The following PDE4D variants were observed in gnomAD, a reference collection of about 807,000 sequenced individuals.
PDE4D encodes the protein phosphodiesterase 4D, also known as 3',5'-cyclic-AMP phosphodiesterase 4D.
In PDE4D, 24 loss-of-function variants were observed where a neutral mutation model predicts 87.4. The ratio of observed to expected loss-of-function variants is 0.27; its 90% CI spans 0.20 to 0.39. The LOEUF (loss-of-function observed/expected upper bound fraction) is 0.39. PDE4D is among the 10% of genes least tolerant of loss of function. PDE4D has a pLI of 1.00. For synonymous variants in PDE4D, 384 were observed against 383.2 expected (o/e 1.00, Z -0.02); for missense variants, 714 against 1,041.0 (o/e 0.69, Z 4.32).
intron 3 of PDE4D, among the ~76,000 whole-genome samples, chr5:59,964,251 A>G (rs542164490): frequency 6.6e-6 from 1 of 152,320 alleles, no homozygotes; most frequent in Non-Finnish European, 1.5e-5. Context: ...CTTTGGTCTC[A>G]TTATGAGAAT....
chr5:59,477,428 G>A (rs1803488299), intron 1 of PDE4D, among the ~76,000 whole-genome samples: 1 of 150,852 alleles, frequency 6.6e-6, no homozygotes, highest in South Asian at 2.1e-4. Context: ...ATCAATGAGG[G>A]CTAAAATAAA....
In PDE4D at chr5:59,046,420, ATG is replaced by A. The variant is rs34085161; in HGVS notation, c.809-7451_809-7450del. Among the ~76,000 whole-genome samples, 1,001 of 142,986 alleles carry A rather than the reference ATG, an allele frequency of 7.0e-3. 4 individuals are homozygous for A. Among genetic ancestry groups the A allele is most frequent in the African/African-American group, 0.021 (821 of 38,316 alleles). The allele number at this position is 142,986 out of a possible 152,430, so 93.8% of individuals were successfully genotyped here. A position where few individuals can be genotyped will look rare whatever the true frequency, so the allele number is the denominator to read the frequency against. On this transcript the variant is annotated intron_variant, in intron 5 of 14. Transcript: ENST00000340635. ...TGAAAGAGTGAGAGAGAGAGAGAGA[ATG>A]TGTGTGTGTGTGTGTGTGTGTATGT...
At chr5:58,986,625 C>T (rs934677095) in intron 11 of PDE4D, among the ~76,000 whole-genome samples, 2 of 152,184 alleles carry the variant, frequency 1.3e-5, no homozygotes, top group Non-Finnish European at 2.9e-5. Context: ...TTATGAGAAT[C>T]TAACTAATGC....
At chr5:59,327,234 G>A (rs1294844879) in intron 1 of PDE4D, among the ~76,000 whole-genome samples, 1 of 150,746 alleles carries the variant, frequency 6.6e-6, no homozygotes, top group Non-Finnish European at 1.5e-5. Flanking sequence ...TGATTCTTTA[G>A]CAGAAACTCA....
chr5:59,842,548 CCTAGAAATTTTACAATA>C (rs1743172227), intron 1 of PDE4D, among the ~76,000 whole-genome samples: 1 of 151,848 alleles, frequency 6.6e-6, no homozygotes, highest in Non-Finnish European at 1.5e-5. Flanking sequence ...ATATGAATTT[CCTAGAAATTTTACAATA>C]ATTTTGTATT....
chr5:59,120,811 A>G (rs1309936805), intron 5 of PDE4D, among the ~76,000 whole-genome samples: 1 of 152,250 alleles, frequency 6.6e-6, no homozygotes, highest in African/African-American at 2.4e-5. Flanking sequence ...GCAACATGGT[A>G]TAAAAACAGA....
At chr5:59,737,311 T>C (rs1180454825) in intron 1 of PDE4D, among the ~76,000 whole-genome samples, 3 of 152,314 alleles carry the variant, frequency 2.0e-5, no homozygotes, top group African/African-American at 7.2e-5. Flanking sequence ...GTTTCTGATA[T>C]ATTACAAAAT....
Position 59,200,253 on chromosome 5 carries a change from G to A in PDE4D, c.648-6717C>T, listed in dbSNP as rs1240421778. On this transcript the variant is annotated intron_variant, in intron 2 of 14. Coordinates refer to ENST00000340635, the MANE Select transcript of PDE4D (RefSeq NM_001104631.2). Reference sequence around the variant, plus strand: ...TACATATGTGTATGTACAGCTACACGTATACATACATATGTGTATGTACAG... The same window carrying A: ...TACATATGTGTATGTACAGCTACACATATACATACATATGTGTATGTACAG... 5.4e-5 allele frequency among the ~76,000 whole-genome samples: 7 copies of A among 129,688 alleles called. No individual in the cohort carries two copies. The South Asian group carries it at 9.2e-4, about 17-fold the overall frequency. The allele number at this position is 129,688 out of a possible 152,430, so 85.1% of individuals were successfully genotyped here.
chr5:59,975,868 C>T (rs1761268023), intron 3 of PDE4D, among the ~76,000 whole-genome samples: 1 of 152,164 alleles, frequency 6.6e-6, no homozygotes, highest in Admixed American at 6.5e-5. Flanking sequence ...ATTTTGGTCT[C>T]AGGTTAGGTG....
chr5:59,649,641 CA>C (rs1369203383), intron 1 of PDE4D, among the ~76,000 whole-genome samples: 2 of 151,154 alleles, frequency 1.3e-5, no homozygotes, highest in African/African-American at 4.9e-5. Flanking sequence ...ATTCCCGAAA[CA>C]GGAATAGTAC....
chr5:59,210,978 T>C (rs937382269), intron 2 of PDE4D, among the ~76,000 whole-genome samples: 11 of 152,216 alleles, frequency 7.2e-5, no homozygotes, highest in Non-Finnish European at 1.5e-4. Flanking sequence ...GATACTATAT[T>C]ACTGGATGAT....
At chr5:59,199,967 C>T (rs1229493791) in intron 2 of PDE4D, among the ~76,000 whole-genome samples, 2 of 150,660 alleles carry the variant, frequency 1.3e-5, no homozygotes, top group Non-Finnish European at 2.9e-5. Flanking sequence ...TACATACAGG[C>T]ACATACATAC....
chr5:60,086,316 C>T (rs548254238), intron 2 of PDE4D, among the ~76,000 whole-genome samples: 4 of 152,212 alleles, frequency 2.6e-5, no homozygotes, highest in African/African-American at 9.6e-5. Context: ...CAAACTATTG[C>T]TTTATTAACT....
chr5:59,560,658 TGGA>T (rs756096123), intron 1 of PDE4D, among the ~76,000 whole-genome samples: 1 of 152,154 alleles, frequency 6.6e-6, no homozygotes, highest in Non-Finnish European at 1.5e-5. Flanking sequence ...GTCTGGGGCC[TGGA>T]GGAGAATTGC....
rs58479577 is a variant in PDE4D at position 60,034,519 on chromosome 5, C to T, written c.43-45802G>A. On this transcript the variant is annotated intron_variant, in intron 2 of 16. Transcript: ENST00000502484. ...ACCTTCCTGCCTCTCTCTTAAAAGGCCCCTTTATAATTACATTTAGGGCCT... is the reference window on the plus strand; with the variant it reads ...ACCTTCCTGCCTCTCTCTTAAAAGGTCCCTTTATAATTACATTTAGGGCCT... 4.2e-3 allele frequency among the ~76,000 whole-genome samples: 645 copies of T among 152,280 alleles called. 6 individuals carry two copies. The highest frequency in any genetic ancestry group is 0.015 in the African/African-American group (611 of 41,564).
At chr5:59,629,090 A>C (rs951126409) in intron 1 of PDE4D, among the ~76,000 whole-genome samples, 2 of 152,166 alleles carry the variant, frequency 1.3e-5, no homozygotes, top group Admixed American at 1.3e-4. Context: ...ATTACCTCCC[A>C]CTTGGTCCCT....
intron 2 of PDE4D, among the ~76,000 whole-genome samples, chr5:59,988,941 AG>A (rs1313835740): frequency 1.3e-5 from 2 of 152,032 alleles, no homozygotes; most frequent in Admixed American, 1.3e-4. Context: ...TGGTTAAAAC[AG>A]TTAACTAACA....
chr5:59,039,194 G>A (rs939697263), intron 5 of PDE4D: 3 of 1,311,946 alleles, frequency 2.3e-6, no homozygotes, highest in Admixed American at 8.0e-5. Context: ...CCAGCTTGGC[G>A]TCTCGGGTCG....
chr5:59,713,890 G>A (rs1754586855), intron 1 of PDE4D, among the ~76,000 whole-genome samples: 1 of 152,184 alleles, frequency 6.6e-6, no homozygotes, highest in African/African-American at 2.4e-5. Context: ...GGGCCTTTTG[G>A]GCACAGGCAG....
Sources: allele counts gnomAD v4.1 joint callset (sites outside exome capture counted in the v4.1 genomes callset), GRCh38; gene constraint gnomAD v4.1.1; transcripts MANE v1.5; gene names NCBI Gene and HGNC (gene_info 2026-07-23, HGNC 2026-07-21).